Variants in NLRP5 observed in about 807,000 individuals in gnomAD.
The protein encoded by NLRP5 is NACHT, LRR and PYD domains-containing protein 5.
A neutral mutation model predicts 113.1 loss-of-function variants in NLRP5; 93 were observed. That is an observed-to-expected ratio of 0.82 (90% CI 0.70 to 0.98). The LOEUF (loss-of-function observed/expected upper bound fraction) is 0.98. Among genes scored for constraint, NLRP5 ranks in the 50% least tolerant of loss-of-function variants. NLRP5 has a pLI of 0.00. For synonymous variants in NLRP5, 751 were observed against 600.7 expected (o/e 1.25, Z -3.66); for missense variants, 1,808 against 1,514.3 (o/e 1.19, Z -3.22).
rs190469030 is a variant in NLRP5, at chr19:56,011,053, G to A, written c.508+2200G>A. On this transcript the variant is annotated intron_variant, in intron 3 of 14. Coordinates refer to ENST00000390649, the MANE Select transcript of NLRP5 (RefSeq NM_153447.4). ...TATAGTCCCAGCTACTTGGGAAGCT[G>A]AGGCAGGAGGATTGCTTGAGTCCAG... Among the ~76,000 whole-genome samples the A allele has an allele frequency of 4.2e-3, 640 of 151,980 alleles. 5 individuals carry two copies. Among genetic ancestry groups the A allele is most frequent in the African/African-American group, 0.014 (591 of 41,486 alleles).
chr19:56,030,714 C>CTTTTTTTTTT (rs770624516), intron 7 of NLRP5, among the ~76,000 whole-genome samples: 5,232 of 70,748 alleles, frequency 0.074, 1,002 homozygotes, highest in East Asian at 0.2. Context: ...CTTTCTTCTT[C>CTTTTTTTTTT]TTTTTTTTTT....
chr19:56,000,428 G>A (rs571238984), intron 1 of NLRP5, among the ~76,000 whole-genome samples: 17 of 151,954 alleles, frequency 1.1e-4, no homozygotes, highest in African/African-American at 3.4e-4. Flanking sequence ...GCAGTGGCAC[G>A]ATCTTGACTC....
At chr19:56,056,547 ACT>A (rs931702769) in intron 13 of NLRP5, among the ~76,000 whole-genome samples, 5 of 151,918 alleles carry the variant, frequency 3.3e-5, no homozygotes, top group African/African-American at 7.3e-5. Flanking sequence ...ACAGAGCGAG[ACT>A]CTATTTCTAA....
chr19:56,020,312 G>A (rs367894544), intron 5 of NLRP5, 63 bp from the exon 6 acceptor site: 6 of 1,587,628 alleles, frequency 3.8e-6, no homozygotes. Flanking sequence ...CTTATCTTGG[G>A]GGTGTCTGAC....
intron 6 of NLRP5, among the ~76,000 whole-genome samples, chr19:56,024,435 A>G (rs1197906253): frequency 6.9e-6 from 1 of 145,624 alleles, no homozygotes; most frequent in African/African-American, 2.6e-5. Flanking sequence ...ATATACACAT[A>G]TACATATATT....
chr19:56,030,433 A>T (rs1263348253), intron 7 of NLRP5, among the ~76,000 whole-genome samples: 1 of 152,126 alleles, frequency 6.6e-6, no homozygotes, highest in Non-Finnish European at 1.5e-5. Flanking sequence ...TAAGGCCTTG[A>T]TAACAGGGCA....
chr19:56,005,240 TAC>T (rs1377203756), intron 2 of NLRP5, among the ~76,000 whole-genome samples: 10 of 140,898 alleles, frequency 7.1e-5, no homozygotes, highest in Admixed American at 3.0e-4. Flanking sequence ...TTTTTATATA[TAC>T]ACACATATAT....
At chr19:55,996,672 T>A (rs1213011199), upstream of NLRP5, among the ~76,000 whole-genome samples, 1 of 152,166 alleles carries the variant, frequency 6.6e-6, no homozygotes, top group Non-Finnish European at 1.5e-5. Context: ...AAATCATCCT[T>A]GTTTATGGCT....
At position 56,006,960 on chromosome 19, in the gene NLRP5, C is replaced by T. The variant is rs759037757; in HGVS notation, c.443-1828C>T. Among the ~76,000 whole-genome samples, 4 of 151,232 alleles carry T rather than the reference C, an allele frequency of 2.6e-5. No homozygotes were observed. In the East Asian group the frequency reaches 8.1e-4, roughly 30 times the overall value. ...TTCACCTTGTTAGCCAGGATGGTCT[C>T]GATCTCCCGACCTTGTGATCCACCC... On this transcript the variant is annotated intron_variant, in intron 2 of 14. Transcript: ENST00000390649.
rs536683471 is a variant in NLRP5, at chr19:56,026,946, A to T, written c.713A>T (p.His238Leu). The change falls in exon 7 of 15, where the codon CAC (histidine) becomes CTC (leucine). Residue 238 changes from histidine (H) to leucine (L), a missense_variant. Transcript: ENST00000390649. The stretch of plus-strand genomic sequence containing the variant: ...GGTGACACATGGGACTACAAGAGTC[A>T]CGTGATGACCAAATTCGCTGAGGAG... 8 of 1,551,734 alleles carry T rather than the reference A, an allele frequency of 5.2e-6. No homozygotes were observed. The African/African-American group carries it at 1.1e-4, about 21-fold the overall frequency.
chr19:56,024,318 A>G (rs1330855459), intron 6 of NLRP5, among the ~76,000 whole-genome samples: 1 of 147,900 alleles, frequency 6.8e-6, no homozygotes, highest in East Asian at 2.0e-4. Flanking sequence ...CCTGGCCAAC[A>G]TGGTGAAACC....
At chr19:56,045,168 A>G (rs1983676517) in intron 11 of NLRP5, among the ~76,000 whole-genome samples, 1 of 152,160 alleles carries the variant, frequency 6.6e-6, no homozygotes. Flanking sequence ...TGACAGTTTG[A>G]CTTTCCTGAC....
chr19:55,990,079 C>CTTTTTTCTTTTTT, the NLRP5 span, among the ~76,000 whole-genome samples: 1 of 95,958 alleles, frequency 1.0e-5, no homozygotes, highest in Non-Finnish European at 2.0e-5. Flanking sequence ...TTTCTTTTTT[C>CTTTTTTCTTTTTT]TTTTTTTTTT....
intron 7 of NLRP5, among the ~76,000 whole-genome samples, chr19:56,031,824 A>G (rs1983127399): frequency 6.6e-6 from 1 of 152,196 alleles, no homozygotes; most frequent in African/African-American, 2.4e-5. Context: ...ATGGATGGAC[A>G]TGTAAGTTTT....
upstream of NLRP5, chr19:55,999,657 C>T (rs1485750616): frequency 2.5e-6 from 3 of 1,192,160 alleles, no homozygotes; most frequent in South Asian, 2.4e-5. Context: ...GAGGCAGGTA[C>T]TCTGATTTCC....
chr19:56,051,196 G>T (rs568135933), intron 12 of NLRP5, among the ~76,000 whole-genome samples: 1,440 of 135,774 alleles, frequency 0.011, 11 homozygotes, highest in Non-Finnish European at 0.017. Context: ...TTTTCTTTTT[G>T]TTTGTTTGTT....
intron 3 of NLRP5, among the ~76,000 whole-genome samples, chr19:56,013,606 T>TTTTTTTTTTTTTTTTTTG (rs1982294485): frequency 7.2e-6 from 1 of 138,276 alleles, no homozygotes; most frequent in Non-Finnish European, 1.5e-5. Flanking sequence ...GTTTTTTTTT[T>TTTTTTTTTTTTTTTTTTG]TTTTTTTTTT....
intron 11 of NLRP5, among the ~76,000 whole-genome samples, chr19:56,045,986 G>A (rs937668886): frequency 1.8e-4 from 27 of 152,270 alleles, no homozygotes; most frequent in African/African-American, 6.3e-4. Flanking sequence ...AGGTCACCAT[G>A]GCTTGACCAT....
the NLRP5 span, among the ~76,000 whole-genome samples, chr19:55,990,771 G>C: frequency 6.6e-6 from 1 of 152,162 alleles, no homozygotes; most frequent in Non-Finnish European, 1.5e-5. Flanking sequence ...CTGGCAGTGA[G>C]CCGAGATGGT....
Sources: allele counts gnomAD v4.1 joint callset (sites outside exome capture counted in the v4.1 genomes callset), GRCh38; gene constraint gnomAD v4.1.1; transcripts MANE v1.5; gene names NCBI Gene and HGNC (gene_info 2026-07-23, HGNC 2026-07-21).